NCALD: variants seen among roughly 807,000 people sequenced by gnomAD.
NCALD encodes neurocalcin delta, also known as neurocalcin-delta.
A neutral mutation model predicts 18.6 loss-of-function variants in NCALD; 10 were observed. The ratio of observed to expected loss-of-function variants is 0.54; its 90% CI spans 0.33 to 0.91. The LOEUF is 0.91. Among genes scored for constraint, NCALD ranks in the 40% least tolerant of loss-of-function variants. NCALD has a pLI of 0.03. For missense variants in NCALD, 184 were observed against 247.6 expected, an observed-to-expected ratio of 0.74 and a Z score of 1.72; for synonymous variants, 88 against 87.4, an observed-to-expected ratio of 1.01 and a Z score of -0.04.
chr8:101,747,000 C>G (rs961269964), intron 1 of NCALD, among the ~76,000 whole-genome samples: 3 of 151,976 alleles, frequency 2.0e-5, no homozygotes, highest in Non-Finnish European at 2.9e-5. Flanking sequence ...GGCCCAATCT[C>G]AATTATGCCA....
chr8:101,748,792 T>C (rs545071598), intron 1 of NCALD, among the ~76,000 whole-genome samples: 8 of 152,196 alleles, frequency 5.3e-5, no homozygotes, highest in Non-Finnish European at 1.2e-4. Context: ...CACAGAACTC[T>C]CGTTCTAAAC....
intron 1 of NCALD, among the ~76,000 whole-genome samples, chr8:102,033,205 G>A (rs974419944): frequency 1.3e-5 from 2 of 152,100 alleles, no homozygotes; most frequent in Non-Finnish European, 1.5e-5. Flanking sequence ...TTGCAGCCAC[G>A]GAATTCTCTA....
intron 2 of NCALD, among the ~76,000 whole-genome samples, chr8:101,944,885 C>G (rs1262620256): frequency 6.6e-6 from 1 of 152,218 alleles, no homozygotes; most frequent in African/African-American, 2.4e-5. Flanking sequence ...TTCTTCTGCT[C>G]TTGCCCACAC....
At chr8:102,083,303 C>G (rs939895775) in intron 1 of NCALD, among the ~76,000 whole-genome samples, 1 of 152,158 alleles carries the variant, frequency 6.6e-6, no homozygotes, top group Non-Finnish European at 1.5e-5. Flanking sequence ...CAAACCAGCT[C>G]GGCATGATTT....
At chr8:101,744,795 T>C (rs1295199550) in intron 1 of NCALD, among the ~76,000 whole-genome samples, 2 of 152,088 alleles carry the variant, frequency 1.3e-5, no homozygotes, top group African/African-American at 4.8e-5. Context: ...TGCAGTACTC[T>C]GGTAAGTGGA....
chr8:101,712,170 A>C (rs1169606474), intron 2 of NCALD, among the ~76,000 whole-genome samples: 1 of 152,224 alleles, frequency 6.6e-6, no homozygotes, highest in South Asian at 2.1e-4. Context: ...ACTAAGCTTC[A>C]TAAGTGAAGG....
chr8:101,854,796 G>A (rs1815240502), intron 4 of NCALD, among the ~76,000 whole-genome samples: 1 of 152,242 alleles, frequency 6.6e-6, no homozygotes, highest in East Asian at 1.9e-4. Context: ...AAGTAACAGA[G>A]TAAGATTGGG....
chr8:102,030,938 T>C (rs1031909230), intron 1 of NCALD, among the ~76,000 whole-genome samples: 3 of 144,394 alleles, frequency 2.1e-5, no homozygotes, highest in African/African-American at 7.8e-5. Context: ...CAATTCTTTG[T>C]ATCCCAAGTG....
intron 4 of NCALD, among the ~76,000 whole-genome samples, chr8:101,871,238 C>T (rs1253773318): frequency 6.6e-6 from 1 of 152,142 alleles, no homozygotes; most frequent in African/African-American, 2.4e-5. Context: ...TCAGAGCCTC[C>T]CAGTTCCTGC....
chr8:101,818,108 A>G (rs1447299154), intron 4 of NCALD, among the ~76,000 whole-genome samples: 1 of 152,166 alleles, frequency 6.6e-6, no homozygotes, highest in Non-Finnish European at 1.5e-5. Flanking sequence ...TATTCTTTAA[A>G]ATGTCAACAT....
At chr8:102,114,193 C>G (rs41414644) in intron 1 of NCALD, among the ~76,000 whole-genome samples, 1,878 of 152,316 alleles carry the variant, frequency 0.012, 40 homozygotes, top group African/African-American at 0.043. Flanking sequence ...ATGTCTAGCT[C>G]TCAAACATAC....
intron 1 of NCALD, chr8:101,746,120 A>C (rs1810415529): frequency 6.6e-6 from 1 of 152,248 alleles, no homozygotes; most frequent in Non-Finnish European, 1.5e-5. Context: ...GTTACAGATT[A>C]AAAAATATAG....
chr8:102,011,953 C>A (rs1349767356), intron 2 of NCALD, among the ~76,000 whole-genome samples: 1 of 152,136 alleles, frequency 6.6e-6, no homozygotes, highest in African/African-American at 2.4e-5. Context: ...AAGGGTCTTT[C>A]CATGTTCGTC....
At chr8:101,839,356 G>A (rs1814545494) in intron 4 of NCALD, among the ~76,000 whole-genome samples, 1 of 152,130 alleles carries the variant, frequency 6.6e-6, no homozygotes, top group South Asian at 2.1e-4. Flanking sequence ...GGGAGGTTGG[G>A]GTGGCAGGAG....
chr8:101,884,364 C>T lies in NCALD; in HGVS notation c.-20+2777G>A, dbSNP rs147731549. ...CACTCCCAACCCCACTCTTCTCAGC[C>T]GCATGCCTTCCTATCCCTATTAATA... On this transcript the variant is annotated intron_variant, in intron 4 of 6. Coordinates refer to the NCALD transcript ENST00000311028. Among the ~76,000 whole-genome samples, 20 of 152,296 alleles carry T rather than the reference C, an allele frequency of 1.3e-4. No homozygotes were observed. In the East Asian group the frequency reaches 2.3e-3, roughly 18 times the overall value.
chr8:102,085,829 T>C (rs1371254363), intron 1 of NCALD, among the ~76,000 whole-genome samples: 1 of 152,056 alleles, frequency 6.6e-6, no homozygotes, highest in African/African-American at 2.4e-5. Flanking sequence ...TTAGCTTGCT[T>C]ATAATTGGCT....
intron 1 of NCALD, among the ~76,000 whole-genome samples, chr8:102,081,576 A>ACCCC (rs55666233): frequency 0.19 from 12,294 of 63,436 alleles, 764 homozygotes; most frequent in South Asian, 0.22. Flanking sequence ...AAAAAAAAAA[A>ACCCC]CCCCAAAAAA....
At chr8:101,792,590 C>G (rs1735699674), upstream of NCALD, among the ~76,000 whole-genome samples, 1 of 152,152 alleles carries the variant, frequency 6.6e-6, no homozygotes, top group Admixed American at 6.5e-5. Flanking sequence ...TCACTAGGGG[C>G]AGATTTCACC....
At chr8:101,891,827 C>T (rs191026157) in intron 3 of NCALD, among the ~76,000 whole-genome samples, 1 of 152,222 alleles carries the variant, frequency 6.6e-6, no homozygotes, top group African/African-American at 2.4e-5. Flanking sequence ...CGGAGCACCA[C>T]GAGATTATAT....
Sources: gnomAD v4.1 joint callset for allele counts (sites outside exome capture counted in the v4.1 genomes callset) on GRCh38, gnomAD v4.1.1 for gene constraint, MANE v1.5 for transcripts, NCBI Gene and HGNC (gene_info 2026-07-23, HGNC 2026-07-21) for gene names.